The following LRRK2 variants were observed in gnomAD, a reference collection of about 807,000 sequenced individuals.
LRRK2 encodes the protein leucine-rich repeat serine/threonine-protein kinase 2.
In LRRK2, 203 loss-of-function variants were observed where a neutral mutation model predicts 302.6. That is an observed-to-expected ratio of 0.67 (90% CI 0.60 to 0.75). The LOEUF is 0.75. LRRK2 is among the 30% of genes least tolerant of loss of function. The pLI is 0.00. For synonymous variants in LRRK2, 1,066 were observed against 1,031.9 expected (o/e 1.03, Z -0.63); for missense variants, 2,830 against 2,951.0 (o/e 0.96, Z 0.95).
At position 40,225,170 on chromosome 12, in the gene LRRK2, G is replaced by C. The variant is rs775407458; in HGVS notation, c.39G>C (p.Glu13Asp). The C allele has an allele frequency of 3.1e-6, 5 of 1,614,162 alleles. No individual in the cohort carries two copies. The highest frequency in any genetic ancestry group is 2.2e-5 in the East Asian group (1 of 44,884). The change falls in exon 1 of 51, where the codon GAG (glutamate) becomes GAC (aspartate). Residue 13 changes from glutamate (E) to aspartate (D), a missense_variant. Coordinates refer to ENST00000298910, the MANE Select transcript of LRRK2 (RefSeq NM_198578.4). The part of the protein sequence containing the change: ...SGSCQGCEED[E>D]ETLKKLIVRL... Reference sequence around the variant, plus strand: ...GCTGTCAGGGGTGCGAAGAGGACGAGGAAACTCTGAAGAAGTTGATAGTCA... The same window carrying C: ...GCTGTCAGGGGTGCGAAGAGGACGACGAAACTCTGAAGAAGTTGATAGTCA...
At position 40,264,052 on chromosome 12, in the gene LRRK2, G is replaced by A. The variant is rs1942896877; in HGVS notation, c.1656+151G>A. ...GTTAGAGACATAAGATGACAGTGGG[G>A]ATGTGGGAAGTGAAAAGATATGTAC... is the stretch of plus-strand genomic sequence containing the variant. On this transcript the variant is annotated intron_variant, in intron 14 of 50. Transcript: ENST00000298910. 1.4e-5 allele frequency: 9 copies of A among 622,226 alleles called. No individual in the cohort carries two copies. The South Asian group carries it at 1.8e-4, about 12-fold the overall frequency. The allele number at this position is 622,226 out of a possible 1,614,324, so 38.5% of individuals were successfully genotyped here.
intron 13 of LRRK2, among the ~76,000 whole-genome samples, chr12:40,259,982 A>G (rs1423075403): frequency 2.0e-5 from 3 of 151,770 alleles, no homozygotes; most frequent in Non-Finnish European, 4.4e-5. Context: ...CTCTTCCTTC[A>G]TTTCTATCCT....
Position 40,238,048 on chromosome 12 carries a change from C to T in LRRK2, c.516C>T (p.Ala172=), listed in dbSNP as rs1941550609. The T allele has an allele frequency of 6.2e-7, 1 of 1,613,470 alleles. No individual in the cohort carries two copies. Among genetic ancestry groups the T allele is most frequent in the African/African-American group, 1.3e-5 (1 of 74,870 alleles). Reference sequence around the variant, plus strand: ...TTGATGCCATGCACTCATTTCCAGCCAATGATGAAGTCCAGAAACTTGGAT... The same window carrying T: ...TTGATGCCATGCACTCATTTCCAGCTAATGATGAAGTCCAGAAACTTGGAT... The part of the protein sequence containing the change: ...LIFDAMHSFP[A]NDEVQKLGCK... Residue 172 remains alanine (A), a synonymous_variant, in exon 5 of 51, where the codon GCC becomes GCT. Transcript: ENST00000298910.
intron 40 of LRRK2, 146 bp downstream of exon 40, chr12:40,335,303 A>C (rs1171044577): frequency 1.5e-5 from 14 of 943,088 alleles, no homozygotes; most frequent in Admixed American, 4.0e-5. Flanking sequence ...TCCCTGATCA[A>C]ATTTTGTAAT....
intron 39 of LRRK2, among the ~76,000 whole-genome samples, chr12:40,330,229 A>C (rs1272361707): frequency 6.6e-6 from 1 of 152,188 alleles, no homozygotes; most frequent in Admixed American, 6.5e-5. Context: ...AAATGTTTTC[A>C]GTCCTTACAT....
At chr12:40,336,319 G>A (rs776749821) in intron 40 of LRRK2, among the ~76,000 whole-genome samples, 31 of 152,180 alleles carry the variant, frequency 2.0e-4, no homozygotes, top group Non-Finnish European at 3.5e-4. Flanking sequence ...CAGAGAGGAT[G>A]TCCGCAACGA....
At chr12:40,320,445 A>G (rs1426110350) in intron 34 of LRRK2, among the ~76,000 whole-genome samples, 1 of 151,834 alleles carries the variant, frequency 6.6e-6, no homozygotes, top group Non-Finnish European at 1.5e-5. Flanking sequence ...AATAGTGGAG[A>G]TTAATGTGTG....
Position 40,364,965 on chromosome 12 carries a change from A to G in LRRK2, c.7305A>G (p.Leu2435=), listed in dbSNP as rs1946831998. Residue 2435 remains leucine, a synonymous_variant, in exon 49 of 51, where the codon TTA becomes TTG. Coordinates refer to ENST00000298910, the MANE Select transcript of LRRK2 (RefSeq NM_198578.4). The part of the protein sequence containing the change: ...LWIGTGGGHI[L]LLDLSTRRLI... ...TAGGAACTGGAGGAGGCCATATTTT[A>G]CTCCTGGATCTTTCAACTCGTCGAC... 6.2e-7 allele frequency: 1 copy of G among 1,612,544 alleles called. No homozygotes were observed. The highest frequency in any genetic ancestry group is 8.5e-7 in the Non-Finnish European group (1 of 1,179,124).
chr12:40,369,075 C>T lies in LRRK2; in HGVS notation c.*1310C>T, dbSNP rs1946961085. The T allele has an allele frequency of 6.6e-6, 1 of 151,584 alleles. No individual in the cohort carries two copies. The highest frequency in any genetic ancestry group is 1.5e-5 in the Non-Finnish European group (1 of 67,734). 9.4% of individuals were successfully genotyped at this position (151,584 alleles called of 1,614,324 possible). A position where few individuals can be genotyped will look rare whatever the true frequency, so the allele number is the denominator to read the frequency against. On this transcript the variant is annotated 3_prime_UTR_variant, in exon 51 of 51. Transcript: ENST00000298910. ...TATTTATATTAAGGGTAATCAAATT[C>T]TTAAAGATGAAAGATTTTCTGTATT... is the stretch of plus-strand genomic sequence containing the variant.
In LRRK2 at chr12:40,314,110, G is replaced by GA; in HGVS notation, c.4679dup (p.Asn1560LysfsTer7). The GA allele has an allele frequency of 6.2e-7, 1 of 1,612,744 alleles. No individual in the cohort carries two copies. Among genetic ancestry groups the GA allele is most frequent in the Non-Finnish European group, 8.5e-7 (1 of 1,179,044 alleles). On this transcript the variant is annotated frameshift_variant, in exon 32 of 51. Coordinates refer to ENST00000298910, the MANE Select transcript of LRRK2 (RefSeq NM_198578.4). LOFTEE classifies it high-confidence loss of function. ...GAAACGATTATTACAACTAGTGAGA[G>GA]AAAATCAGCTGCAGTTAGATGAAAA... is the stretch of plus-strand genomic sequence containing the variant.
At chr12:40,264,973 A>C (rs1942946358) in intron 14 of LRRK2, among the ~76,000 whole-genome samples, 1 of 152,242 alleles carries the variant, frequency 6.6e-6, no homozygotes, top group Non-Finnish European at 1.5e-5. Context: ...GCCTATTTAA[A>C]ATAATTAATG....
chr12:40,298,132 T>C, intron 23 of LRRK2, 111 bp from the exon 24 acceptor site: 3 of 1,139,876 alleles, frequency 2.6e-6, no homozygotes, highest in Non-Finnish European at 3.8e-6. Flanking sequence ...TTTCAACTTT[T>C]TGAAAATTCT....
rs1210224106 is a variant in LRRK2, at chr12:40,302,855, T to C, written c.3563T>C (p.Ile1188Thr). The change falls in exon 26 of 51, where the codon ATT becomes ACT. Residue 1188 changes from isoleucine to threonine, a missense_variant. Physicochemically the swap from Ile to Thr is moderately conservative, Grantham distance 89. Transcript: ENST00000298910. The part of the protein sequence containing the change: ...LKLSQNKFSC[I>T]PEAILNLPHL... ...TTATCTCAGAACAAATTTTCCTGTA[T>C]TCCAGAAGCAATTTTAAATCTTCCA... is the stretch of plus-strand genomic sequence containing the variant. 1 of 1,606,416 alleles carries C rather than the reference T, an allele frequency of 6.2e-7. No individual in the cohort carries two copies. Among genetic ancestry groups the C allele is most frequent in the Non-Finnish European group, 8.5e-7 (1 of 1,173,552 alleles).
Position 40,240,519 on chromosome 12 carries a change from A to G in LRRK2, c.608A>G (p.Lys203Arg), listed in dbSNP as rs1368223564. The change falls in exon 6 of 51, where the codon AAA becomes AGA. Residue 203 changes from lysine to arginine, a missense_variant. By Grantham distance (26) the Lys-to-Arg change is conservative. Around this residue, in one of 3 missense-constraint regions of LRRK2, gnomAD observed 2,121 missense variants for 2,148.0 expected, o/e 0.99. Transcript: ENST00000298910. ...EEQLTEFVEN[K>R]DYMILLSALT... is the part of the protein sequence containing the mutation. Reference sequence around the variant, plus strand: ...CAACTGACTGAATTTGTTGAGAACAAAGATTATATGATATTGTTAAGTGCG... The same window carrying G: ...CAACTGACTGAATTTGTTGAGAACAGAGATTATATGATATTGTTAAGTGCG... 6.2e-7 allele frequency: 1 copy of G among 1,613,260 alleles called. No individual in the cohort carries two copies. Among genetic ancestry groups the G allele is most frequent in the East Asian group, 2.2e-5 (1 of 44,774 alleles).
At chr12:40,353,256 ACTTCTCAGACGGGGCGGCTGCCGGGCAG>A (rs1946419753) in intron 44 of LRRK2, among the ~76,000 whole-genome samples, 2 of 18,896 alleles carry the variant, frequency 1.1e-4, no homozygotes, top group Admixed American at 9.8e-4. Context: ...GGGGCTCCTC[ACTTCTCAGACGGGGCGGCTGCCGGGCAG>A]AGGGACTCCT....
At position 40,314,121 on chromosome 12, in the gene LRRK2, G is replaced by A. The variant is rs1945128404; in HGVS notation, c.4686G>A (p.Leu1562=). 1 of 1,612,552 alleles carries A rather than the reference G, an allele frequency of 6.2e-7. No homozygotes were observed. The highest frequency in any genetic ancestry group is 8.5e-7 in the Non-Finnish European group (1 of 1,179,012). The stretch of plus-strand genomic sequence containing the variant: ...TACAACTAGTGAGAGAAAATCAGCT[G>A]CAGTTAGATGAAAATGAGCTTCCTC... ...RLLQLVRENQ[L]QLDENELPHA... The change falls in exon 32 of 51, where the codon CTG becomes CTA. Residue 1562 remains leucine, a synonymous_variant. Coordinates refer to ENST00000298910, the MANE Select transcript of LRRK2 (RefSeq NM_198578.4).
chr12:40,314,853 T>A (rs1414241734), intron 32 of LRRK2, among the ~76,000 whole-genome samples: 3 of 152,044 alleles, frequency 2.0e-5, no homozygotes, highest in Non-Finnish European at 4.4e-5. Context: ...TCTTAAGGTA[T>A]GCTGAGATAT....
chr12:40,232,266 G>A lies in LRRK2; in HGVS notation c.238-8G>A, dbSNP rs1347267761. 1 of 1,602,288 alleles carries A rather than the reference G, an allele frequency of 6.2e-7. No homozygotes were observed. Among genetic ancestry groups the A allele is most frequent in the Middle Eastern group, 1.7e-4 (1 of 6,042 alleles). ...AAACATGTGAATATATGTCTTTCTTGTTTTCAGGTGGGTTGGTCACTTCTG... is the reference window on the plus strand; with the variant it reads ...AAACATGTGAATATATGTCTTTCTTATTTTCAGGTGGGTTGGTCACTTCTG... On this transcript the variant is annotated splice_region_variant and splice_polypyrimidine_tract_variant and intron_variant, in intron 2 of 50. Transcript: ENST00000298910.
At chr12:40,356,597 A>C (rs886817800) in intron 46 of LRRK2, among the ~76,000 whole-genome samples, 3 of 152,186 alleles carry the variant, frequency 2.0e-5, no homozygotes, top group Non-Finnish European at 4.4e-5. Context: ...ATTCCTATTT[A>C]GTCATTAAAG....
Sources: allele counts gnomAD v4.1 joint callset (sites outside exome capture counted in the v4.1 genomes callset), GRCh38; gene constraint gnomAD v4.1.1; regional missense constraint gnomAD v4.1.1; transcripts MANE v1.5; gene names NCBI Gene and HGNC (gene_info 2026-07-23, HGNC 2026-07-21).